MAGI2: variants seen among roughly 807,000 people sequenced by gnomAD.
MAGI2 encodes the protein membrane associated guanylate kinase, WW and PDZ domain containing 2, also known as membrane-associated guanylate kinase, WW and PDZ domain-containing protein 2.
MAGI2 carries 35 observed loss-of-function variants against 133.3 expected under a neutral mutation model. The observed-to-expected ratio is 0.26, with a 90% confidence interval of 0.20 to 0.35. The LOEUF is 0.35. MAGI2 is among the 10% of genes least tolerant of loss of function. MAGI2 has a pLI of 1.00. For synonymous variants in MAGI2, 729 were observed against 710.6 expected (o/e 1.03, Z -0.41); for missense variants, 1,636 against 1,863.4 (o/e 0.88, Z 2.25).
intron 2 of MAGI2, among the ~76,000 whole-genome samples, chr7:78,971,316 A>G (rs190476152): frequency 6.6e-6 from 1 of 152,200 alleles, no homozygotes; most frequent in East Asian, 1.9e-4. Flanking sequence ...AGATAAATCT[A>G]TAAGCAATTG....
intron 2 of MAGI2, among the ~76,000 whole-genome samples, chr7:78,757,816 C>CG (rs1028600273): frequency 2.0e-5 from 3 of 152,162 alleles, no homozygotes; most frequent in Non-Finnish European, 4.4e-5. Context: ...TCTCCACACT[C>CG]AGTCCTTAGA....
At chr7:78,328,805 T>TC (rs1788869469) in intron 9 of MAGI2, among the ~76,000 whole-genome samples, 1 of 151,526 alleles carries the variant, frequency 6.6e-6, no homozygotes, top group South Asian at 2.1e-4. Flanking sequence ...TTTCCCACCA[T>TC]CCCCCATAGT....
At chr7:78,928,668 A>G (rs889498327) in intron 2 of MAGI2, among the ~76,000 whole-genome samples, 7 of 152,028 alleles carry the variant, frequency 4.6e-5, no homozygotes, top group South Asian at 4.1e-4. Flanking sequence ...TTAAACCTAA[A>G]ATGGGTATGA....
intron 12 of MAGI2, among the ~76,000 whole-genome samples, chr7:78,192,711 A>T (rs974381947): frequency 3.9e-5 from 6 of 152,286 alleles, no homozygotes; most frequent in Non-Finnish European, 7.3e-5. Flanking sequence ...AAGAAATGTG[A>T]TAGAAAAGAG....
At chr7:79,210,038 T>C (rs552164220) in intron 1 of MAGI2, among the ~76,000 whole-genome samples, 2 of 152,244 alleles carry the variant, frequency 1.3e-5, no homozygotes, top group South Asian at 2.1e-4. Flanking sequence ...ATCTGAACTA[T>C]ATAAATATCA....
chr7:78,861,086 A>T (rs577564861), intron 2 of MAGI2, among the ~76,000 whole-genome samples: 134 of 152,300 alleles, frequency 8.8e-4, no homozygotes, highest in African/African-American at 3.1e-3. Flanking sequence ...TGCTAAGGCC[A>T]TTGGAAAAGT....
intron 3 of MAGI2, among the ~76,000 whole-genome samples, chr7:78,569,665 CGATT>C (rs1050209574): frequency 6.6e-6 from 1 of 152,086 alleles, no homozygotes; most frequent in African/African-American, 2.4e-5. Flanking sequence ...CTTATTCAAA[CGATT>C]ATTTTTGTGC....
chr7:79,099,897 A>C (rs529300046), intron 1 of MAGI2, among the ~76,000 whole-genome samples: 2 of 152,310 alleles, frequency 1.3e-5, no homozygotes, highest in African/African-American at 4.8e-5. Flanking sequence ...GAGAACTTAG[A>C]AACTATTGTT....
intron 6 of MAGI2, among the ~76,000 whole-genome samples, chr7:78,476,189 G>A (rs1791731306): frequency 6.6e-6 from 1 of 151,912 alleles, no homozygotes; most frequent in Non-Finnish European, 1.5e-5. Context: ...ATTAAAATGA[G>A]TAAAATGACT....
intron 1 of MAGI2, among the ~76,000 whole-genome samples, chr7:79,061,208 C>T (rs1254105367): frequency 6.6e-6 from 1 of 151,640 alleles, no homozygotes; most frequent in African/African-American, 2.4e-5. Flanking sequence ...GAGCATGATA[C>T]AGAACTGAGA....
intron 2 of MAGI2, among the ~76,000 whole-genome samples, chr7:78,903,520 A>G (rs557628731): frequency 6.0e-4 from 91 of 152,154 alleles, no homozygotes; most frequent in African/African-American, 2.1e-3. Context: ...AAGCTGTGTG[A>G]CTTTGAAGGT....
intron 1 of MAGI2, among the ~76,000 whole-genome samples, chr7:79,154,098 T>C (rs927609182): frequency 5.3e-5 from 8 of 152,210 alleles, no homozygotes; most frequent in Non-Finnish European, 1.2e-4. Context: ...AATAGACTTA[T>C]AAAGGACCAT....
intron 2 of MAGI2, among the ~76,000 whole-genome samples, chr7:78,668,925 G>A (rs753242707): frequency 7.9e-5 from 12 of 151,920 alleles, no homozygotes; most frequent in Admixed American, 2.6e-4. Context: ...AAAGCAGTGC[G>A]CAGAGGGAAA....
chr7:78,659,952 G>A (rs1584999763), intron 2 of MAGI2, among the ~76,000 whole-genome samples: 2 of 152,194 alleles, frequency 1.3e-5, no homozygotes, highest in South Asian at 4.1e-4. Flanking sequence ...CATAAAAAAC[G>A]ATGAGTTCGT....
At position 78,803,243 on chromosome 7, in the gene MAGI2, T is replaced by TTC. The variant is rs1177510186; in HGVS notation, c.419-176005_419-176004insGA. Among the ~76,000 whole-genome samples the TTC allele has an allele frequency of 1.0e-3, 159 of 152,284 alleles. 3 individuals carry two copies. Among genetic ancestry groups the TTC allele is most frequent in the Admixed American group, 1.6e-3 (25 of 15,294 alleles). ...TTCTACATATGTTCTACATAAAGTG[T>TTC]TAACTGCTAATAAGAGCAAGTCAGG... is the stretch of plus-strand genomic sequence containing the variant. On this transcript the variant is annotated intron_variant, in intron 2 of 21. Transcript: ENST00000354212.
chr7:79,015,061 A>G (rs1808549566), intron 1 of MAGI2, among the ~76,000 whole-genome samples: 1 of 152,220 alleles, frequency 6.6e-6, no homozygotes, highest in South Asian at 2.1e-4. Flanking sequence ...ATGGTATTTA[A>G]ACAATGAATA....
intron 10 of MAGI2, among the ~76,000 whole-genome samples, chr7:78,243,251 AC>A: frequency 2.5e-5 from 1 of 40,650 alleles, no homozygotes; most frequent in South Asian, 6.5e-4. Flanking sequence ...ACACACACAC[AC>A]ACACACACAC....
Position 78,343,945 on chromosome 7 carries a change from G to A in MAGI2, c.1241C>T (p.Thr414Ile), listed in dbSNP as rs1790645506. ...APGFREKPLF[T>I]RDASQLKGTF... Reference sequence around the variant, plus strand: ...TCCCTTCAACTGGGATGCATCCCGGGTGAAGAGTGGTTTTTCTACATTGGC... The same window carrying A: ...TCCCTTCAACTGGGATGCATCCCGGATGAAGAGTGGTTTTTCTACATTGGC... Residue 414 changes from threonine to isoleucine, a missense_variant, in exon 9 of 22, where the codon ACC (threonine) becomes ATC (isoleucine). Thr to Ile is a moderately conservative substitution (Grantham distance 89). Coordinates refer to ENST00000354212, the MANE Select transcript of MAGI2 (RefSeq NM_012301.4). 6.2e-7 allele frequency: 1 copy of A among 1,608,124 alleles called. No individual in the cohort carries two copies. Among genetic ancestry groups the A allele is most frequent in the Admixed American group, 1.7e-5 (1 of 58,146 alleles).
intron 1 of MAGI2, 57 bp from the exon 2 acceptor site, chr7:79,007,263 A>C (rs1010757971): frequency 1.5e-5 from 15 of 1,003,066 alleles, no homozygotes; most frequent in Non-Finnish European, 2.2e-5. Context: ...TAAGCATGTA[A>C]TTTGATTCTG....
Sources: allele counts gnomAD v4.1 joint callset (sites outside exome capture counted in the v4.1 genomes callset), GRCh38; gene constraint gnomAD v4.1.1; transcripts MANE v1.5; gene names NCBI Gene and HGNC (gene_info 2026-07-23, HGNC 2026-07-21).